VAV3: variants seen among roughly 807,000 people sequenced by gnomAD.
The protein encoded by VAV3 is vav guanine nucleotide exchange factor 3.
VAV3 carries 94 observed loss-of-function variants against 131.2 expected under a neutral mutation model. The observed-to-expected ratio is 0.72, with a 90% confidence interval of 0.61 to 0.85. VAV3 has a LOEUF of 0.85. VAV3 is among the 40% of genes least tolerant of loss of function. The probability of loss-of-function intolerance (pLI) is 0.00; values close to 1 mark genes in which losing one functional copy is unlikely to be tolerated. For missense variants in VAV3, 939 were observed against 1,002.7 expected (o/e 0.94, Z 0.86); for synonymous variants, 349 against 342.0 (o/e 1.02, Z -0.22).
At chr1:107,865,757 T>C (rs1448439602) in intron 2 of VAV3, among the ~76,000 whole-genome samples, 1 of 152,206 alleles carries the variant, frequency 6.6e-6, no homozygotes, top group Non-Finnish European at 1.5e-5. Flanking sequence ...CCACTAGGAC[T>C]GTCAGGTGAA....
At chr1:107,938,235 A>T (rs1673816337) in intron 1 of VAV3, among the ~76,000 whole-genome samples, 1 of 152,180 alleles carries the variant, frequency 6.6e-6, no homozygotes. Context: ...AAAACAGGCT[A>T]ACCAACTTCG....
At chr1:107,953,322 C>G (rs1407592083) in intron 1 of VAV3, among the ~76,000 whole-genome samples, 4 of 152,152 alleles carry the variant, frequency 2.6e-5, no homozygotes, top group African/African-American at 9.7e-5. Context: ...ATAATCTTAC[C>G]AAGTACCCAC....
At chr1:107,949,613 C>T (rs1054099965) in intron 1 of VAV3, among the ~76,000 whole-genome samples, 3 of 152,162 alleles carry the variant, frequency 2.0e-5, no homozygotes, top group African/African-American at 2.4e-5. Context: ...TAAACAGTGT[C>T]TCTGGAAGTA....
At chr1:107,666,287 G>A (rs1238301909) in intron 19 of VAV3, among the ~76,000 whole-genome samples, 5 of 152,086 alleles carry the variant, frequency 3.3e-5, no homozygotes, top group South Asian at 2.1e-4. Context: ...CATGAATAAC[G>A]AACAATGTTC....
chr1:107,836,304 AAAC>A (rs1668474940), intron 2 of VAV3, among the ~76,000 whole-genome samples: 1 of 152,222 alleles, frequency 6.6e-6, no homozygotes, highest in Non-Finnish European at 1.5e-5. Flanking sequence ...CAATAAATTC[AAAC>A]AACTTACTCC....
intron 1 of VAV3, among the ~76,000 whole-genome samples, chr1:107,937,062 T>G (rs1004163730): frequency 3.3e-5 from 5 of 151,616 alleles, no homozygotes; most frequent in Non-Finnish European, 1.5e-5. Context: ...CTAGCAAGAG[T>G]GACAGTCTAA....
intron 2 of VAV3, among the ~76,000 whole-genome samples, chr1:107,865,388 A>AGT: frequency 6.6e-6 from 1 of 152,284 alleles, no homozygotes; most frequent in East Asian, 1.9e-4. Flanking sequence ...GATTTTAAGC[A>AGT]GTGTGTGTAT....
At chr1:107,886,293 C>T (rs1177144063) in intron 1 of VAV3, among the ~76,000 whole-genome samples, 1 of 152,194 alleles carries the variant, frequency 6.6e-6, no homozygotes, top group African/African-American at 2.4e-5. Flanking sequence ...TCCATTCTAT[C>T]CATAATGAAA....
chr1:107,871,845 G>C (rs183346074), intron 2 of VAV3, among the ~76,000 whole-genome samples: 1 of 152,114 alleles, frequency 6.6e-6, no homozygotes, highest in Admixed American at 6.6e-5. Flanking sequence ...GAGAAAAGGG[G>C]TAAGAGAGTA....
intron 12 of VAV3, among the ~76,000 whole-genome samples, chr1:107,754,327 G>T (rs1347565206): frequency 6.6e-6 from 1 of 152,188 alleles, no homozygotes; most frequent in East Asian, 1.9e-4. Flanking sequence ...CTGGAAAACT[G>T]GCAGATGATG....
At chr1:107,625,429 G>A (rs1034397183) in intron 20 of VAV3, among the ~76,000 whole-genome samples, 3 of 151,882 alleles carry the variant, frequency 2.0e-5, no homozygotes, top group Non-Finnish European at 4.4e-5. Flanking sequence ...ACCATGCCTG[G>A]CTAATCTTTG....
intron 1 of VAV3, among the ~76,000 whole-genome samples, chr1:107,888,003 T>C (rs997695585): frequency 2.1e-5 from 3 of 143,072 alleles, no homozygotes; most frequent in African/African-American, 5.8e-5. Context: ...ATCCAAAAAT[T>C]TGGGGGGGGG....
intron 20 of VAV3, among the ~76,000 whole-genome samples, chr1:107,629,025 T>G: frequency 6.6e-6 from 1 of 152,154 alleles, no homozygotes; most frequent in East Asian, 1.9e-4. Context: ...TGGATAAAAA[T>G]ATATATTATT....
At chr1:107,744,197 G>T (rs967023072) in intron 15 of VAV3, among the ~76,000 whole-genome samples, 1 of 152,034 alleles carries the variant, frequency 6.6e-6, no homozygotes, top group Non-Finnish European at 1.5e-5. Flanking sequence ...CATTCTCTTC[G>T]TCCCACTACC....
At chr1:107,724,945 T>C (rs1271043413) in intron 15 of VAV3, among the ~76,000 whole-genome samples, 3 of 152,120 alleles carry the variant, frequency 2.0e-5, no homozygotes, top group African/African-American at 7.2e-5. Context: ...ACTAAAGGAC[T>C]GTATGCAGAT....
At chr1:107,764,487 T>C (rs965986174) in intron 9 of VAV3, among the ~76,000 whole-genome samples, 3 of 152,248 alleles carry the variant, frequency 2.0e-5, no homozygotes, top group Non-Finnish European at 4.4e-5. Context: ...TTTTAATACA[T>C]CTGATTCTAA....
chr1:107,611,351 T>C (rs1478271487), intron 21 of VAV3, among the ~76,000 whole-genome samples: 1 of 152,118 alleles, frequency 6.6e-6, no homozygotes, highest in Non-Finnish European at 1.5e-5. Context: ...ATCACAACTT[T>C]GTAAAATCCT....
At chr1:107,715,018 A>G (rs1661011352) in intron 15 of VAV3, among the ~76,000 whole-genome samples, 1 of 152,192 alleles carries the variant, frequency 6.6e-6, no homozygotes, top group African/African-American at 2.4e-5. Context: ...AATAAATTTA[A>G]AGTGGAAAAG....
At chr1:107,694,291 G>A (rs542921099) in intron 17 of VAV3, among the ~76,000 whole-genome samples, 42 of 152,222 alleles carry the variant, frequency 2.8e-4, no homozygotes, top group East Asian at 7.7e-4. Context: ...GGAACTGTTC[G>A]GAGAAAAGGG....
Sources: allele counts gnomAD v4.1 joint callset (sites outside exome capture counted in the v4.1 genomes callset), GRCh38; gene constraint gnomAD v4.1.1; transcripts MANE v1.5; gene names NCBI Gene and HGNC (gene_info 2026-07-23, HGNC 2026-07-21).